A4GALT: variants seen among roughly 807,000 people sequenced by gnomAD.
The protein encoded by A4GALT is alpha 1,4-galactosyltransferase (P1PK blood group).
For synonymous variants in A4GALT, 257 were observed against 220.7 expected (o/e 1.16, Z -1.46); for missense variants, 512 against 486.0 (o/e 1.05, Z -0.50).
chr22:42,710,829 C>T (rs1209669159), intron 1 of A4GALT, among the ~76,000 whole-genome samples: 2 of 151,836 alleles, frequency 1.3e-5, no homozygotes, highest in African/African-American at 4.8e-5. Context: ...TGAGACCAGC[C>T]CAGGCAACAT....
Position 42,692,880 on chromosome 22 carries a change from G to C in A4GALT, c.*10C>G, listed in dbSNP as rs1930550012. The C allele has an allele frequency of 1.9e-6, 3 of 1,599,442 alleles. No individual in the cohort carries two copies. Among genetic ancestry groups the C allele is most frequent in the Non-Finnish European group, 2.5e-6 (3 of 1,179,638 alleles). ...CAGGAGCAGGTTGGGGAGGTGACCT[G>C]GCGGGCCCCTCACAAGTACATTTTC... is the stretch of plus-strand genomic sequence containing the variant. On this transcript the variant is annotated 3_prime_UTR_variant, in exon 3 of 3. Transcript: ENST00000642412. This position sits in a 1 kb window ranked among gnomAD's most constrained non-coding sequence, Gnocchi z 4.6.
intron 1 of A4GALT, among the ~76,000 whole-genome samples, chr22:42,702,263 C>A (rs1007082930): frequency 6.6e-6 from 1 of 152,008 alleles, no homozygotes; most frequent in Admixed American, 6.6e-5. Flanking sequence ...ACTGAAGGCA[C>A]CTAGATGTGC....
chr22:42,693,735 C>T lies in A4GALT; in HGVS notation c.217G>A (p.Gly73Ser). ...TLTPPTPPSH[G>S]PTPGNIFFLE... is the part of the protein sequence containing the mutation. ...AAGAAGATGTTGCCTGGAGTGGGGCCGTGGGAGGGTGGGGTGGGGGGTGTC... is the reference window on the plus strand; with the variant it reads ...AAGAAGATGTTGCCTGGAGTGGGGCTGTGGGAGGGTGGGGTGGGGGGTGTC... Residue 73 changes from glycine (G) to serine (S), a missense_variant, in exon 3 of 3, where the codon GGC becomes AGC. Physicochemically the swap from Gly to Ser is moderately conservative, Grantham distance 56. Transcript: ENST00000642412. 2 of 274,574 alleles carry T rather than the reference C, an allele frequency of 7.3e-6. No individual in the cohort carries two copies. Among genetic ancestry groups the T allele is most frequent in the Non-Finnish European group, 1.4e-5 (2 of 141,472 alleles). 17.0% of individuals were successfully genotyped at this position (274,574 alleles called of 1,614,324 possible). A position where few individuals can be genotyped will look rare whatever the true frequency, so the allele number is the denominator to read the frequency against.
chr22:42,719,367 G>A (rs1352705851), intron 1 of A4GALT, among the ~76,000 whole-genome samples: 1 of 152,164 alleles, frequency 6.6e-6, no homozygotes, highest in Non-Finnish European at 1.5e-5. Context: ...GGAAGCTGGG[G>A]TGGGAGGATC....
At chr22:42,696,682 G>C (rs1930955276) in intron 1 of A4GALT, among the ~76,000 whole-genome samples, 1 of 152,006 alleles carries the variant, frequency 6.6e-6, no homozygotes, top group South Asian at 2.1e-4. Flanking sequence ...ACAGCCAGCA[G>C]GATGCTTTAC....
rs111767731 is a variant in A4GALT at position 42,692,967 on chromosome 22, T to C, written c.985A>G (p.Thr329Ala). ...AGCTGGGCCAGCAGTGCCCTGGACG[T>C]GGCCTCGAACCGCGTGCCCTGGCTC... ...KKSQGTRFEA[T>A]SRALLAQLHA... The change falls in exon 3 of 3, where the codon ACG becomes GCG. Residue 329 changes from threonine to alanine, a missense_variant. Transcript: ENST00000642412. This position sits in a 1 kb window ranked among gnomAD's most constrained non-coding sequence, Gnocchi z 4.6. 25 of 1,612,804 alleles carry C rather than the reference T, an allele frequency of 1.6e-5. 1 individual carries two copies. The African/African-American group carries it at 1.7e-4, about 11-fold the overall frequency.
In A4GALT at chr22:42,694,339, G is replaced by A. The variant is rs145551156; in HGVS notation, c.-46-342C>T. On this transcript the variant is annotated intron_variant, in intron 2 of 2. Coordinates refer to ENST00000642412, the MANE Select transcript of A4GALT (RefSeq NM_017436.7). ...AAGGACTGTCAGAAGTGATGGCTTC[G>A]CCATGTGACACACAGGGCTCTGTGA... is the stretch of plus-strand genomic sequence containing the variant. Among the ~76,000 whole-genome samples, 491 of 152,350 alleles carry A rather than the reference G, an allele frequency of 3.2e-3. 5 individuals carry two copies. The highest frequency in any genetic ancestry group is 0.011 in the African/African-American group (456 of 41,586).
rs761776405 is a variant in A4GALT, at chr22:42,693,234, G to A, written c.718C>T (p.His240Tyr). ...TGACCCCAGATCCAGCCGTTGTAGTGGTCCACGAAGTCCCGCATGCACAGC... is the reference window on the plus strand; with the variant it reads ...TGACCCCAGATCCAGCCGTTGTAGTAGTCCACGAAGTCCCGCATGCACAGC... ...MALCMRDFVDHYNGWIWGHQG... is the reference protein window; with the variant it reads ...MALCMRDFVDYYNGWIWGHQG... Residue 240 changes from histidine (H) to tyrosine (Y), a missense_variant, in exon 3 of 3, where the codon CAC (histidine) becomes TAC (tyrosine). By Grantham distance (83) the His-to-Tyr change is moderately conservative. Coordinates refer to ENST00000642412, the MANE Select transcript of A4GALT (RefSeq NM_017436.7). 6.2e-7 allele frequency: 1 copy of A among 1,610,212 alleles called. No homozygotes were observed. Among genetic ancestry groups the A allele is most frequent in the Middle Eastern group, 1.7e-4 (1 of 6,058 alleles).
rs73427284 is a variant in A4GALT at position 42,709,706 on chromosome 22, C to T, written c.-188+11091G>A. Among the ~76,000 whole-genome samples the T allele has an allele frequency of 9.5e-4, 145 of 152,164 alleles. 2 individuals carry two copies. Among genetic ancestry groups the T allele is most frequent in the African/African-American group, 3.4e-3 (141 of 41,506 alleles). ...TTAGGAGGCTGAGATACGAGAATCG[C>T]TTGAGCTTGCGAGGGACAGGTTGCA... On this transcript the variant is annotated intron_variant, in intron 1 of 2. Transcript: ENST00000642412.
At chr22:42,698,694 A>G (rs558729269) in intron 1 of A4GALT, among the ~76,000 whole-genome samples, 7 of 152,310 alleles carry the variant, frequency 4.6e-5, no homozygotes, top group Middle Eastern at 3.4e-3. Flanking sequence ...ACCATCTTAA[A>G]TAGGAGCTGA....
chr22:42,701,360 G>C (rs1931287538), intron 1 of A4GALT, among the ~76,000 whole-genome samples: 2 of 152,170 alleles, frequency 1.3e-5, no homozygotes, highest in African/African-American at 4.8e-5. Context: ...CTGGATCCCA[G>C]ACTCAGACAG....
Position 42,720,813 on chromosome 22 carries a change from G to A in A4GALT, c.-204C>T, listed in dbSNP as rs1286822841. 1.0e-5 allele frequency: 1 copy of A among 97,324 alleles called. No homozygotes were observed. The highest frequency in any genetic ancestry group is 2.8e-5 in the Non-Finnish European group (1 of 36,222). 6.0% of individuals were successfully genotyped at this position (97,324 alleles called of 1,614,324 possible). On this transcript the variant is annotated 5_prime_UTR_variant, in exon 1 of 3. Transcript: ENST00000642412. ...CCCTCGTACCTCTAGCTCCAGCGGC[G>A]GCGGGCGGCGGACAGCGGGGCCCCG...
Position 42,693,750 on chromosome 22 carries a change from T to TGG in A4GALT, c.200_201dup (p.Thr68ProfsTer47). On this transcript the variant is annotated frameshift_variant, in exon 3 of 3. Transcript: ENST00000642412. LOFTEE classifies it low-confidence loss of function (END_TRUNC). ...GGAGTGGGGCCGTGGGAGGGTGGGG[T>TGG]GGGGGGTGTCAAGGTGGGGCAGGGG... 2.6e-6 allele frequency: 1 copy of TGG among 391,460 alleles called. No homozygotes were observed. The highest frequency in any genetic ancestry group is 4.3e-6 in the Non-Finnish European group (1 of 232,114). 24.2% of individuals were successfully genotyped at this position (391,460 alleles called of 1,614,324 possible).
chr22:42,710,191 AAT>A (rs1921556015), intron 1 of A4GALT, among the ~76,000 whole-genome samples: 1 of 152,218 alleles, frequency 6.6e-6, no homozygotes, highest in Admixed American at 6.5e-5. Flanking sequence ...ACGCAATAGA[AAT>A]AGTTAAAACT....
intron 1 of A4GALT, among the ~76,000 whole-genome samples, chr22:42,704,286 G>A (rs2146996998): frequency 6.6e-6 from 1 of 152,108 alleles, no homozygotes; most frequent in Non-Finnish European, 1.5e-5. Context: ...TTCAAGACTA[G>A]CCTGCCCAAT....
intron 1 of A4GALT, among the ~76,000 whole-genome samples, chr22:42,711,640 GT>G (rs1376694260): frequency 6.6e-6 from 1 of 150,770 alleles, no homozygotes; most frequent in Non-Finnish European, 1.5e-5. Context: ...TTTGTTTTTT[GT>G]TTTTTTTTCC....
chr22:42,697,499 T>C (rs1005084479), intron 1 of A4GALT, among the ~76,000 whole-genome samples: 2 of 152,096 alleles, frequency 1.3e-5, no homozygotes, highest in Non-Finnish European at 2.9e-5. Context: ...CTCTGCCCAC[T>C]TGGGGGCCCC....
intron 1 of A4GALT, among the ~76,000 whole-genome samples, chr22:42,712,080 C>T (rs1468583151): frequency 6.6e-6 from 1 of 152,212 alleles, no homozygotes; most frequent in East Asian, 1.9e-4. Context: ...AGGTACAAAT[C>T]AAGTCACATG....
rs1488854271 is a variant in A4GALT, at chr22:42,693,411, C to T, written c.541G>A (p.Ala181Thr). Reference protein sequence around the residue: ...LPVLSDASRIALMWKFGGIYL... With the variant: ...LPVLSDASRITLMWKFGGIYL... The stretch of plus-strand genomic sequence containing the variant: ...ATGCCGCCGAACTTCCACATGAGTG[C>T]GATCCTGGAGGCGTCGGAGAGCACG... The change falls in exon 3 of 3, where the codon GCA becomes ACA. Residue 181 changes from alanine to threonine, a missense_variant. Physicochemically the swap from Ala to Thr is moderately conservative, Grantham distance 58. Coordinates refer to ENST00000642412, the MANE Select transcript of A4GALT (RefSeq NM_017436.7). The T allele has an allele frequency of 3.7e-6, 6 of 1,613,336 alleles. No homozygotes were observed. The highest frequency in any genetic ancestry group is 1.7e-5 in the Admixed American group (1 of 60,018).
Sources: gnomAD v4.1 joint callset for allele counts (sites outside exome capture counted in the v4.1 genomes callset) on GRCh38, gnomAD v4.1.1 for gene constraint, Gnocchi (gnomAD v3.1) non-coding constraint, MANE v1.5 for transcripts, NCBI Gene and HGNC (gene_info 2026-07-23, HGNC 2026-07-21) for gene names.